The following EPHB1 variants were observed in gnomAD, a reference collection of about 807,000 sequenced individuals.
EPHB1 encodes the protein EPH receptor B1, also known as ephrin type-B receptor 1.
In EPHB1, 30 loss-of-function variants were observed where a neutral mutation model predicts 94.4. The ratio of observed to expected loss-of-function variants is 0.32; its 90% confidence interval spans 0.24 to 0.43. The LOEUF is 0.43. Among genes scored for constraint, EPHB1 ranks in the 20% least tolerant of loss-of-function variants. The probability of loss-of-function intolerance (pLI) is 1.00; values close to 1 mark genes in which losing one functional copy is unlikely to be tolerated. For missense variants in EPHB1, 1,055 were observed against 1,308.3 expected, an observed-to-expected ratio of 0.81 and a Z score of 2.99; for synonymous variants, 522 against 489.1, an observed-to-expected ratio of 1.07 and a Z score of -0.89.
At chr3:134,861,288 A>G (rs916211467) in intron 1 of EPHB1, among the ~76,000 whole-genome samples, 2 of 152,232 alleles carry the variant, frequency 1.3e-5, no homozygotes, top group African/African-American at 4.8e-5. Context: ...TTAAGCAGAA[A>G]GCAGCTGAGT....
At chr3:134,835,092 C>T (rs2036649106) in intron 1 of EPHB1, among the ~76,000 whole-genome samples, 1 of 152,212 alleles carries the variant, frequency 6.6e-6, no homozygotes, top group Admixed American at 6.5e-5. Flanking sequence ...TTGGCTTCCA[C>T]AAGGCATCTG....
At chr3:135,236,209 T>C (rs1331597437) in intron 12 of EPHB1, among the ~76,000 whole-genome samples, 1 of 152,180 alleles carries the variant, frequency 6.6e-6, no homozygotes, top group Non-Finnish European at 1.5e-5. Flanking sequence ...TATGCCTCTC[T>C]CCTAGTTGCC....
chr3:135,252,203 T>C (rs1384215381), intron 15 of EPHB1, among the ~76,000 whole-genome samples: 2 of 151,542 alleles, frequency 1.3e-5, no homozygotes, highest in Non-Finnish European at 2.9e-5. Context: ...TTTTATTTTT[T>C]AATATTTTTT....
chr3:135,178,293 T>C (rs957059554), intron 9 of EPHB1, among the ~76,000 whole-genome samples: 1 of 151,212 alleles, frequency 6.6e-6, no homozygotes, highest in Non-Finnish European at 1.5e-5. Context: ...CCATTTGTAC[T>C]GGAAATACAA....
At chr3:135,216,830 A>G (rs1182133119) in intron 12 of EPHB1, among the ~76,000 whole-genome samples, 1 of 151,782 alleles carries the variant, frequency 6.6e-6, no homozygotes, top group Non-Finnish European at 1.5e-5. Context: ...ATTGTTATGC[A>G]TCTATCAGTG....
At chr3:135,147,690 T>C (rs1941057718) in intron 5 of EPHB1, among the ~76,000 whole-genome samples, 1 of 152,204 alleles carries the variant, frequency 6.6e-6, no homozygotes, top group Non-Finnish European at 1.5e-5. Context: ...TGGCCTCCTC[T>C]TTGTATGGGT....
intron 13 of EPHB1, among the ~76,000 whole-genome samples, chr3:135,242,662 C>T (rs569318298): frequency 1.3e-5 from 2 of 152,308 alleles, no homozygotes; most frequent in South Asian, 4.1e-4. Context: ...CACCTTGCCT[C>T]TGCTCCTGAA....
chr3:135,129,402 C>A (rs72977580), intron 4 of EPHB1, among the ~76,000 whole-genome samples: 2,091 of 152,256 alleles, frequency 0.014, 48 homozygotes, highest in African/African-American at 0.042. Context: ...CTCAGAGTAA[C>A]AAGCAGTGGG....
rs749666684 is a variant in EPHB1, at chr3:135,248,427, C to T, written c.2608C>T (p.Arg870Trp). 8.7e-6 allele frequency: 14 copies of T among 1,613,890 alleles called. No individual in the cohort carries two copies. Among genetic ancestry groups the T allele is most frequent in the South Asian group, 2.2e-5 (2 of 91,064 alleles). Residue 870 changes from arginine (R) to tryptophan (W), a missense_variant, in exon 14 of 16, where the codon CGG becomes TGG. By Grantham distance (101) the Arg-to-Trp change is moderately radical (BLOSUM62 -3). Transcript: ENST00000398015. ...GCAGAAGGACCGGAACAGCCGGCCCCGGTTTGCGGAGATTGTCAACACCCT... is the reference window on the plus strand; with the variant it reads ...GCAGAAGGACCGGAACAGCCGGCCCTGGTTTGCGGAGATTGTCAACACCCT... The part of the protein sequence containing the change: ...CWQKDRNSRP[R>W]FAEIVNTLDK...
chr3:135,168,886 G>T (rs1200123945), intron 9 of EPHB1, among the ~76,000 whole-genome samples: 1 of 152,196 alleles, frequency 6.6e-6, no homozygotes, highest in Non-Finnish European at 1.5e-5. Flanking sequence ...GAAGTCAAGA[G>T]ATATCCAAAG....
intron 5 of EPHB1, among the ~76,000 whole-genome samples, chr3:135,149,409 G>A (rs1000778743): frequency 1.3e-5 from 2 of 152,154 alleles, no homozygotes; most frequent in South Asian, 4.1e-4. Context: ...TGTATATGGG[G>A]GCAAAAGGGG....
intron 3 of EPHB1, among the ~76,000 whole-genome samples, chr3:135,029,078 G>T (rs1434835001): frequency 4.0e-5 from 5 of 123,604 alleles, no homozygotes; most frequent in African/African-American, 1.4e-4. Flanking sequence ...CCTTTGCTTG[G>T]TAGATCTTCC....
At chr3:135,170,532 T>C (rs1013010118) in intron 9 of EPHB1, among the ~76,000 whole-genome samples, 11 of 152,030 alleles carry the variant, frequency 7.2e-5, no homozygotes, top group Admixed American at 1.3e-4. Flanking sequence ...GCTTTCCGAG[T>C]CCTGGAAGAG....
At chr3:135,008,287 C>T (rs1317080736) in intron 3 of EPHB1, among the ~76,000 whole-genome samples, 2 of 152,204 alleles carry the variant, frequency 1.3e-5, no homozygotes. Flanking sequence ...ACAATGTGAA[C>T]TCATTTGATT....
chr3:134,953,536 T>G lies in EPHB1; in HGVS notation c.805+1484T>G, dbSNP rs557831691. 3.3e-5 allele frequency among the ~76,000 whole-genome samples: 5 copies of G among 152,356 alleles called. No individual in the cohort carries two copies. The East Asian group carries it at 9.6e-4, about 29-fold the overall frequency. On this transcript the variant is annotated intron_variant, in intron 3 of 15. Coordinates refer to ENST00000398015, the MANE Select transcript of EPHB1 (RefSeq NM_004441.5). ...GGGATGGGTCACTATCTTTGCCATT[T>G]GGCAGGGTCTAAGTGGGGACCAAGG...
intron 3 of EPHB1, among the ~76,000 whole-genome samples, chr3:134,974,810 A>T (rs1472484259): frequency 7.1e-6 from 1 of 139,892 alleles, no homozygotes; most frequent in Non-Finnish European, 1.5e-5. Context: ...CCGCAGTCCC[A>T]TGACTTCATC....
chr3:135,064,118 G>A (rs1347746520), intron 3 of EPHB1, among the ~76,000 whole-genome samples: 1 of 152,044 alleles, frequency 6.6e-6, no homozygotes, highest in Non-Finnish European at 1.5e-5. Context: ...AAGAATTTTA[G>A]CATGTATGTT....
intron 3 of EPHB1, among the ~76,000 whole-genome samples, chr3:135,075,780 G>T (rs945617034): frequency 2.6e-5 from 4 of 152,206 alleles, no homozygotes; most frequent in African/African-American, 7.2e-5. Flanking sequence ...ACTGAGTGTG[G>T]ACAGTGGACA....
intron 2 of EPHB1, among the ~76,000 whole-genome samples, chr3:134,943,880 C>G (rs900358398): frequency 6.6e-6 from 1 of 152,074 alleles, no homozygotes; most frequent in African/African-American, 2.4e-5. Flanking sequence ...GGAGACCGTG[C>G]GAGCATTGTT....
Sources: gnomAD v4.1 joint callset for allele counts (sites outside exome capture counted in the v4.1 genomes callset) on GRCh38, gnomAD v4.1.1 for gene constraint, MANE v1.5 for transcripts, NCBI Gene and HGNC (gene_info 2026-07-23, HGNC 2026-07-21) for gene names.